Variants in PRKN observed in about 807,000 individuals in gnomAD.
The protein encoded by PRKN is E3 ubiquitin-protein ligase parkin.
Under a neutral mutation model 59.5 loss-of-function variants are expected in PRKN, and 56 were observed. That is an observed-to-expected ratio of 0.94 (90% CI 0.76 to 1.18). The LOEUF (loss-of-function observed/expected upper bound fraction) is 1.18. PRKN is among the 50% of genes most tolerant of loss of function. The probability of loss-of-function intolerance (pLI) is 0.00; values close to 1 mark genes in which losing one functional copy is unlikely to be tolerated. For missense variants in PRKN, 657 were observed against 596.4 expected (o/e 1.10, Z -1.06); for synonymous variants, 250 against 222.1 (o/e 1.13, Z -1.12).
intron 1 of PRKN, among the ~76,000 whole-genome samples, chr6:162,703,579 T>C (rs184646051): frequency 5.1e-4 from 77 of 152,316 alleles, no homozygotes; most frequent in Non-Finnish European, 9.4e-4. Context: ...GCTGCCTAGC[T>C]TGAGTGTGTG....
intron 6 of PRKN, among the ~76,000 whole-genome samples, chr6:161,853,932 A>G (rs954385199): frequency 1.3e-5 from 2 of 152,100 alleles, no homozygotes; most frequent in African/African-American, 4.8e-5. Context: ...CAACGAACAC[A>G]AAAGAACAGA....
At position 161,377,546 on chromosome 6, in the gene PRKN, G is replaced by T. The variant is rs1785772398; in HGVS notation, c.1167+9248C>A. ...TCCTCTTTAGGGTTGAAAGAGTGGT[G>T]AGGGGAGACCCTGTCAATAAGCAGA... is the stretch of plus-strand genomic sequence containing the variant. On this transcript the variant is annotated intron_variant, in intron 10 of 11. Transcript: ENST00000366898. The surrounding 1 kb of genome is among the most constrained non-coding windows in gnomAD (Gnocchi z 4.2). 6.6e-6 allele frequency among the ~76,000 whole-genome samples: 1 copy of T among 152,204 alleles called. No homozygotes were observed. The highest frequency in any genetic ancestry group is 2.1e-4 in the South Asian group (1 of 4,826).
rs146296246 is a variant in PRKN at position 161,688,051 on chromosome 6, G to C, written c.871+97721C>G. Among the ~76,000 whole-genome samples, 405 of 151,822 alleles carry C rather than the reference G, an allele frequency of 2.7e-3. 2 individuals carry two copies. Among genetic ancestry groups the C allele is most frequent in the African/African-American group, 8.2e-3 (341 of 41,372 alleles). On this transcript the variant is annotated intron_variant, in intron 7 of 11. Coordinates refer to ENST00000366898, the MANE Select transcript of PRKN (RefSeq NM_004562.3). The stretch of plus-strand genomic sequence containing the variant: ...CCTCGTCAGTCTTTCAACCTCCCCC[G>C]CAATTCTCAACCCTGCAATTCAACA...
At chr6:161,504,916 G>GTCTA (rs1009150783) in intron 9 of PRKN, among the ~76,000 whole-genome samples, 12 of 147,388 alleles carry the variant, frequency 8.1e-5, no homozygotes, top group Non-Finnish European at 1.8e-4. Context: ...TCTTAATCCA[G>GTCTA]TCTATCATTG....
intron 4 of PRKN, among the ~76,000 whole-genome samples, chr6:162,179,316 T>C (rs1783686075): frequency 6.6e-6 from 1 of 152,226 alleles, no homozygotes; most frequent in Non-Finnish European, 1.5e-5. Flanking sequence ...TCTTTGATCA[T>C]CAGCCCGAAC....
intron 6 of PRKN, among the ~76,000 whole-genome samples, chr6:161,948,091 T>A (rs1361189038): frequency 6.6e-6 from 1 of 152,138 alleles, no homozygotes; most frequent in Non-Finnish European, 1.5e-5. Flanking sequence ...GTTCAAGCGC[T>A]TCTCCTGCCT....
At chr6:162,010,250 CATAATAT>C in intron 5 of PRKN, among the ~76,000 whole-genome samples, 1 of 115,560 alleles carries the variant, frequency 8.7e-6, no homozygotes, top group Admixed American at 1.1e-4. Flanking sequence ...ATTTATTATA[CATAATAT>C]ATATTTTATA....
At position 162,496,638 on chromosome 6, in the gene PRKN, G is replaced by A. The variant is rs778149314; in HGVS notation, c.8-53165C>T. ...CTTATACACATGCGTGCAAATTCTG[G>A]CTCCTCGCAATGATCCTGAGTGTGT... On this transcript the variant is annotated intron_variant, in intron 1 of 11. Coordinates refer to ENST00000366898, the MANE Select transcript of PRKN (RefSeq NM_004562.3). Among the ~76,000 whole-genome samples, 7 of 152,218 alleles carry A rather than the reference G, an allele frequency of 4.6e-5. 1 individual carries two copies. The highest frequency in any genetic ancestry group is 1.9e-4 in the East Asian group (1 of 5,176).
At chr6:162,073,300 C>T (rs939820841) in intron 4 of PRKN, among the ~76,000 whole-genome samples, 4 of 152,186 alleles carry the variant, frequency 2.6e-5, no homozygotes, top group Admixed American at 1.3e-4. Context: ...CTGCTGTTGG[C>T]CTCAGCGTTA....
chr6:161,778,876 T>A (rs984277508), intron 7 of PRKN, among the ~76,000 whole-genome samples: 3 of 152,216 alleles, frequency 2.0e-5, no homozygotes, highest in African/African-American at 7.2e-5. Flanking sequence ...GTGCTTTCAA[T>A]ACATTATTTG....
At chr6:162,536,481 CAACACATGG>C (rs1778726175) in intron 1 of PRKN, among the ~76,000 whole-genome samples, 2 of 152,114 alleles carry the variant, frequency 1.3e-5, no homozygotes, top group Admixed American at 1.3e-4. Flanking sequence ...AAAATAAAGA[CAACACATGG>C]AACTCAGTAG....
At chr6:161,668,625 GTACAGGAGGGATGGACTTATTA>G (rs1451770874) in intron 7 of PRKN, among the ~76,000 whole-genome samples, 2 of 152,168 alleles carry the variant, frequency 1.3e-5, no homozygotes, top group Non-Finnish European at 2.9e-5. Context: ...GGTCGGACAA[GTACAGGAGGGATGGACTTATTA>G]TAATGAGGCC....
At chr6:162,353,056 A>G (rs925012803) in intron 2 of PRKN, among the ~76,000 whole-genome samples, 1 of 152,246 alleles carries the variant, frequency 6.6e-6, no homozygotes, top group African/African-American at 2.4e-5. Context: ...TTGAATGAGA[A>G]GTTTTTCACA....
intron 3 of PRKN, among the ~76,000 whole-genome samples, chr6:162,252,695 C>T (rs931143329): frequency 3.9e-5 from 6 of 152,228 alleles, no homozygotes; most frequent in Non-Finnish European, 8.8e-5. Flanking sequence ...CTGACATCAG[C>T]TTTAAAGGTG....
At position 161,353,456 on chromosome 6, in the gene PRKN, T is replaced by A. The variant is rs938721329; in HGVS notation, c.1286-3245A>T. On this transcript the variant is annotated intron_variant, in intron 11 of 11. Transcript: ENST00000366898. The surrounding 1 kb of genome is among the most constrained non-coding windows in gnomAD (Gnocchi z 4.8). ...TTCAACACGGCTGTCCATGCTTCCA[T>A]CGTGCCTATCCCAGGAAGTCTCCAT... Among the ~76,000 whole-genome samples, 1 of 152,114 alleles carries A rather than the reference T, an allele frequency of 6.6e-6. No homozygotes were observed. The highest frequency in any genetic ancestry group is 2.4e-5 in the African/African-American group (1 of 41,446).
chr6:162,260,740 G>A (rs1427994363), intron 3 of PRKN, among the ~76,000 whole-genome samples: 1 of 152,126 alleles, frequency 6.6e-6, no homozygotes, highest in Non-Finnish European at 1.5e-5. Context: ...GGATTCTTGT[G>A]CTCAAATTGT....
intron 6 of PRKN, among the ~76,000 whole-genome samples, chr6:161,886,762 A>T (rs1363904840): frequency 1.3e-5 from 2 of 150,010 alleles, no homozygotes; most frequent in Admixed American, 1.3e-4. Context: ...AAAAAAAAAT[A>T]AAATAAAATG....
chr6:161,771,381 A>G lies in PRKN; in HGVS notation c.871+14391T>C, dbSNP rs1363115255. On this transcript the variant is annotated intron_variant, in intron 7 of 11. Transcript: ENST00000366898. ...AAAAAAAAAAAAAAAATAAAATAAA[A>G]TAAAATAAAATAAAATAAAAGCACT... 1.1e-3 allele frequency among the ~76,000 whole-genome samples: 151 copies of G among 138,244 alleles called. 6 individuals carry two copies. Among genetic ancestry groups the G allele is most frequent in the African/African-American group, 4.1e-3 (139 of 33,808 alleles). The allele number at this position is 138,244 out of a possible 152,430, so 90.7% of individuals were successfully genotyped here. A position where few individuals can be genotyped will look rare whatever the true frequency, so the allele number is the denominator to read the frequency against.
intron 1 of PRKN, among the ~76,000 whole-genome samples, chr6:162,550,843 C>A (rs913627513): frequency 6.6e-6 from 1 of 152,136 alleles, no homozygotes. Flanking sequence ...TGCCATGTCA[C>A]GCAGCCCACT....
Sources: allele counts gnomAD v4.1 joint callset (sites outside exome capture counted in the v4.1 genomes callset), GRCh38; gene constraint gnomAD v4.1.1; non-coding constraint Gnocchi (gnomAD v3.1); transcripts MANE v1.5; gene names NCBI Gene and HGNC (gene_info 2026-07-23, HGNC 2026-07-21).